HDAC9: variants seen among roughly 807,000 people sequenced by gnomAD.
HDAC9 encodes the protein histone deacetylase 9, also known as MEF-2 interacting transcription repressor (MITR) protein.
Under a neutral mutation model 139.4 loss-of-function variants are expected in HDAC9, and 41 were observed. The ratio of observed to expected loss-of-function variants is 0.29; its 90% confidence interval spans 0.23 to 0.38. The LOEUF (loss-of-function observed/expected upper bound fraction) is 0.38, where lower values mean the gene tolerates loss of function less well. Among genes scored for constraint, HDAC9 ranks in the 10% least tolerant of loss-of-function variants. The probability of loss-of-function intolerance (pLI) is 1.00; values close to 1 mark genes in which losing one functional copy is unlikely to be tolerated. For synonymous variants in HDAC9, 517 were observed against 476.2 expected, an observed-to-expected ratio of 1.09 and a Z score of -1.12; for missense variants, 1,147 against 1,297.0, an observed-to-expected ratio of 0.88 and a Z score of 1.78.
chr7:18,255,860 G>A (rs183616057), intron 2 of HDAC9, among the ~76,000 whole-genome samples: 31 of 151,876 alleles, frequency 2.0e-4, no homozygotes, highest in East Asian at 3.9e-4. Context: ...ATCTCTTGAC[G>A]TCGTGATCTG....
At chr7:18,768,141 C>T (rs1452569315) in intron 16 of HDAC9, among the ~76,000 whole-genome samples, 2 of 152,012 alleles carry the variant, frequency 1.3e-5, no homozygotes, top group African/African-American at 2.4e-5. Context: ...TACAGTTTGC[C>T]GACAAACAAG....
At chr7:18,772,314 A>AT (rs543362069) in intron 16 of HDAC9, among the ~76,000 whole-genome samples, 37 of 151,964 alleles carry the variant, frequency 2.4e-4, no homozygotes, top group African/African-American at 4.1e-4. Context: ...TTAGTAGAGA[A>AT]TTTTTTTCTT....
chr7:18,394,577 G>A (rs1212381723), intron 1 of HDAC9, among the ~76,000 whole-genome samples: 5 of 152,066 alleles, frequency 3.3e-5, no homozygotes, highest in Non-Finnish European at 7.4e-5. Flanking sequence ...GGGCCTGGGT[G>A]TGTATGCATG....
chr7:18,428,024 T>C (rs1407050935), intron 1 of HDAC9, among the ~76,000 whole-genome samples: 1 of 152,338 alleles, frequency 6.6e-6, no homozygotes, highest in East Asian at 1.9e-4. Flanking sequence ...CTTAGCATAA[T>C]GTCCTCAAGT....
At chr7:18,534,156 A>G (rs1171425850) in intron 2 of HDAC9, among the ~76,000 whole-genome samples, 1 of 152,154 alleles carries the variant, frequency 6.6e-6, no homozygotes, top group East Asian at 1.9e-4. Context: ...GAAGCTCATC[A>G]TTTGTGTGGC....
At chr7:18,649,073 T>A (rs1355614031) in intron 11 of HDAC9, among the ~76,000 whole-genome samples, 1 of 152,188 alleles carries the variant, frequency 6.6e-6, no homozygotes, top group African/African-American at 2.4e-5. Context: ...TAGGCCAAGA[T>A]TAGCCAGTAA....
At chr7:18,747,561 A>T (rs1200291769) in intron 13 of HDAC9, among the ~76,000 whole-genome samples, 1 of 152,124 alleles carries the variant, frequency 6.6e-6, no homozygotes, top group Non-Finnish European at 1.5e-5. Flanking sequence ...AATCAGAGAC[A>T]TTTTCACTTT....
chr7:18,752,705 A>G (rs1003805958), intron 14 of HDAC9, among the ~76,000 whole-genome samples: 1 of 152,146 alleles, frequency 6.6e-6, no homozygotes, highest in African/African-American at 2.4e-5. Context: ...GATTTATTAG[A>G]TTCCACAGGA....
chr7:18,656,852 G>A (rs552074826), intron 11 of HDAC9, among the ~76,000 whole-genome samples: 1 of 152,180 alleles, frequency 6.6e-6, no homozygotes, highest in Non-Finnish European at 1.5e-5. Context: ...GTTTCTTGAG[G>A]AACCTCCAGA....
intron 1 of HDAC9, among the ~76,000 whole-genome samples, chr7:18,123,642 AT>A (rs1199732122): frequency 6.6e-6 from 1 of 152,108 alleles, no homozygotes; most frequent in Non-Finnish European, 1.5e-5. Flanking sequence ...GAGGATCAGC[AT>A]TTTTTCCCTA....
At position 18,640,326 on chromosome 7, in the gene HDAC9, G is replaced by A. The variant is rs142101151; in HGVS notation, c.913-4345G>A. On this transcript the variant is annotated intron_variant, in intron 8 of 25. Coordinates refer to ENST00000686413, the MANE Select transcript of HDAC9 (RefSeq NM_178425.4). The stretch of plus-strand genomic sequence containing the variant: ...TGGGCCTTGATCGCACCACTGCACT[G>A]CAGCCTGGGCGACAGAGCAAGATCC... 3.9e-3 allele frequency among the ~76,000 whole-genome samples: 468 copies of A among 121,262 alleles called. 2 individuals are homozygous for A. Among genetic ancestry groups the A allele is most frequent in the African/African-American group, 0.014 (448 of 31,358 alleles). The allele number at this position is 121,262 out of a possible 152,430, so 79.6% of individuals were successfully genotyped here.
intron 1 of HDAC9, among the ~76,000 whole-genome samples, chr7:18,144,180 G>A (rs1438912629): frequency 6.6e-6 from 1 of 151,846 alleles, no homozygotes; most frequent in African/African-American, 2.4e-5. Context: ...TAGAAAATTT[G>A]GAAATAAAAA....
chr7:18,385,949 ACTACCTTTCAAG>A (rs1252036455), intron 1 of HDAC9, among the ~76,000 whole-genome samples: 1 of 152,044 alleles, frequency 6.6e-6, no homozygotes, highest in African/African-American at 2.4e-5. Context: ...TATACCCAAA[ACTACCTTTCAAG>A]CTGCTTTTAA....
At chr7:18,132,467 C>T (rs562810312) in intron 1 of HDAC9, among the ~76,000 whole-genome samples, 9 of 152,066 alleles carry the variant, frequency 5.9e-5, no homozygotes, top group South Asian at 2.1e-4. Flanking sequence ...TAAAGTGCAG[C>T]GGGTGATCAC....
At chr7:18,451,916 G>A (rs1383200123) in intron 1 of HDAC9, among the ~76,000 whole-genome samples, 2 of 152,112 alleles carry the variant, frequency 1.3e-5, no homozygotes, top group Non-Finnish European at 2.9e-5. Context: ...GGAACAGCAT[G>A]GCAATGTCAC....
chr7:18,547,531 G>A (rs114456444), intron 2 of HDAC9, among the ~76,000 whole-genome samples: 2 of 152,126 alleles, frequency 1.3e-5, no homozygotes, highest in African/African-American at 2.4e-5. Flanking sequence ...CACCATGCCC[G>A]GCCGACTGTG....
At chr7:18,694,114 C>T (rs1375048642) in intron 12 of HDAC9, among the ~76,000 whole-genome samples, 1 of 152,064 alleles carries the variant, frequency 6.6e-6, no homozygotes, top group Non-Finnish European at 1.5e-5. Flanking sequence ...AAATAAAGAC[C>T]AAATGATGAC....
Position 18,661,985 on chromosome 7 carries a change from G to A in HDAC9, c.1468-4228G>A, listed in dbSNP as rs115733515. On this transcript the variant is annotated intron_variant, in intron 11 of 25. Coordinates refer to ENST00000686413, the MANE Select transcript of HDAC9 (RefSeq NM_178425.4). ...TTCTGGGTACTTCAGTGACTTCACA[G>A]GTCAGATTTCAGAAGGTCTTCTGTT... Among the ~76,000 whole-genome samples, 270 of 152,232 alleles carry A rather than the reference G, an allele frequency of 1.8e-3. 1 individual carries two copies. Among genetic ancestry groups the A allele is most frequent in the Middle Eastern group, 6.8e-3 (2 of 292 alleles).
At chr7:18,877,336 T>C (rs926327281) in intron 22 of HDAC9, among the ~76,000 whole-genome samples, 1 of 152,186 alleles carries the variant, frequency 6.6e-6, no homozygotes, top group African/African-American at 2.4e-5. Context: ...AAAAGTTCTG[T>C]ACAGGCAATT....
Sources: gnomAD v4.1 joint callset for allele counts (sites outside exome capture counted in the v4.1 genomes callset) on GRCh38, gnomAD v4.1.1 for gene constraint, MANE v1.5 for transcripts, NCBI Gene and HGNC (gene_info 2026-07-23, HGNC 2026-07-21) for gene names.